MACROD2: variants seen among roughly 807,000 people sequenced by gnomAD.
MACROD2 encodes the protein ADP-ribose glycohydrolase MACROD2.
MACROD2 carries 36 observed loss-of-function variants against 70.4 expected under a neutral mutation model. The ratio of observed to expected loss-of-function variants is 0.51; its 90% CI spans 0.39 to 0.68. MACROD2 has a LOEUF of 0.68. MACROD2 is among the 30% of genes least tolerant of loss of function. The probability of loss-of-function intolerance (pLI) is 0.00; values close to 1 mark genes in which losing one functional copy is unlikely to be tolerated. For missense variants in MACROD2, 496 were observed against 538.4 expected, an observed-to-expected ratio of 0.92 and a Z score of 0.78; for synonymous variants, 172 against 178.8, an observed-to-expected ratio of 0.96 and a Z score of 0.30.
At chr20:15,306,059 C>T (rs2077694938) in intron 6 of MACROD2, among the ~76,000 whole-genome samples, 1 of 152,166 alleles carries the variant, frequency 6.6e-6, no homozygotes, top group African/African-American at 2.4e-5. Context: ...AAGTATTTAG[C>T]TAGTTTCCTG....
chr20:14,410,963 T>C (rs912997196), intron 3 of MACROD2, among the ~76,000 whole-genome samples: 1 of 152,130 alleles, frequency 6.6e-6, no homozygotes, highest in Non-Finnish European at 1.5e-5. Flanking sequence ...ACAGTGGGAC[T>C]GTCTCCAGTC....
Position 15,454,830 on chromosome 20 carries a change from G to A in MACROD2, c.571+23395G>A, listed in dbSNP as rs959663327. On this transcript the variant is annotated intron_variant, in intron 7 of 17. Coordinates refer to ENST00000684519, the MANE Select transcript of MACROD2 (RefSeq NM_001351661.2). ...GCGAAAGTGGGCTTTTAACCATTTC[G>A]CATACTTTGAACTGTGGAGCTGACC... is the stretch of plus-strand genomic sequence containing the variant. Among the ~76,000 whole-genome samples, 9 of 58,588 alleles carry A rather than the reference G, an allele frequency of 1.5e-4. 2 individuals are homozygous for A. The highest frequency in any genetic ancestry group is 6.7e-4 in the Admixed American group (3 of 4,486). The allele number at this position is 58,588 out of a possible 152,430, so 38.4% of individuals were successfully genotyped here. A position where few individuals can be genotyped will look rare whatever the true frequency, so the allele number is the denominator to read the frequency against.
At chr20:15,196,473 T>A (rs1323896501) in intron 5 of MACROD2, among the ~76,000 whole-genome samples, 1 of 152,136 alleles carries the variant, frequency 6.6e-6, no homozygotes, top group Non-Finnish European at 1.5e-5. Flanking sequence ...AGATACAAAA[T>A]TGGTGAATGT....
chr20:15,329,520 T>G (rs1182347108), intron 6 of MACROD2, among the ~76,000 whole-genome samples: 7 of 152,012 alleles, frequency 4.6e-5, no homozygotes, highest in Admixed American at 4.6e-4. Flanking sequence ...AGAGGACTGT[T>G]TGAACCCAGG....
intron 8 of MACROD2, among the ~76,000 whole-genome samples, chr20:15,625,695 CAA>C (rs1408280905): frequency 6.6e-6 from 1 of 152,040 alleles, no homozygotes; most frequent in Non-Finnish European, 1.5e-5. Flanking sequence ...TGAACTCCAA[CAA>C]AGACTTTAAC....
intron 10 of MACROD2, among the ~76,000 whole-genome samples, chr20:15,926,406 T>C (rs981313930): frequency 2.0e-5 from 3 of 152,198 alleles, no homozygotes; most frequent in Non-Finnish European, 2.9e-5. Flanking sequence ...AAACATTGTT[T>C]CACAAAGCAG....
intron 4 of MACROD2, among the ~76,000 whole-genome samples, chr20:14,683,271 CAT>C (rs1005714374): frequency 6.6e-6 from 1 of 152,152 alleles, no homozygotes; most frequent in Non-Finnish European, 1.5e-5. Flanking sequence ...CAAAGGGACA[CAT>C]AACACTGTAC....
chr20:15,002,582 T>G (rs889096993), intron 5 of MACROD2, among the ~76,000 whole-genome samples: 22 of 152,152 alleles, frequency 1.4e-4, no homozygotes, highest in Middle Eastern at 3.2e-3. Flanking sequence ...AGCCTGATAT[T>G]AAACACAGGG....
At chr20:15,671,206 A>G (rs1011341253) in intron 8 of MACROD2, among the ~76,000 whole-genome samples, 3 of 152,156 alleles carry the variant, frequency 2.0e-5, no homozygotes, top group Non-Finnish European at 4.4e-5. Flanking sequence ...TCTCTCCAGC[A>G]GTGCTCAGAC....
intron 6 of MACROD2, among the ~76,000 whole-genome samples, chr20:15,288,221 C>A (rs2077509235): frequency 6.6e-6 from 1 of 152,164 alleles, no homozygotes; most frequent in African/African-American, 2.4e-5. Flanking sequence ...CTCTCAAGAA[C>A]AAATCGCCCC....
intron 3 of MACROD2, among the ~76,000 whole-genome samples, chr20:14,286,849 C>G (rs186612367): frequency 2.6e-5 from 4 of 152,252 alleles, no homozygotes; most frequent in Middle Eastern, 3.4e-3. Flanking sequence ...GGATATTAAG[C>G]AGATGCTCAG....
At chr20:15,060,308 CA>C (rs990225611) in intron 5 of MACROD2, among the ~76,000 whole-genome samples, 33 of 152,260 alleles carry the variant, frequency 2.2e-4, no homozygotes, top group African/African-American at 7.2e-4. Context: ...TGTCACAGTT[CA>C]ATGTGGTGAC....
Position 14,326,044 on chromosome 20 carries a change from T to C in MACROD2, c.272-167435T>C. On this transcript the variant is annotated intron_variant, in intron 3 of 17. Transcript: ENST00000684519. The surrounding 1 kb of genome is among the most constrained non-coding windows in gnomAD (Gnocchi z 5.5). ...ACAAACAGGAGTTTCATCAAATAGGTAGAGGTTGCTGGTTTCCATGGGAAC... is the reference window on the plus strand; with the variant it reads ...ACAAACAGGAGTTTCATCAAATAGGCAGAGGTTGCTGGTTTCCATGGGAAC... 6.2e-7 allele frequency: 1 copy of C among 1,613,864 alleles called. No homozygotes were observed. The highest frequency in any genetic ancestry group is 8.5e-7 in the Non-Finnish European group (1 of 1,179,868).
chr20:14,889,578 C>A (rs144738852), intron 5 of MACROD2, among the ~76,000 whole-genome samples: 1 of 151,988 alleles, frequency 6.6e-6, no homozygotes, highest in Non-Finnish European at 1.5e-5. Context: ...AGATCCTATC[C>A]GGCATAGGAA....
chr20:16,009,149 A>C (rs1029152299), intron 15 of MACROD2, among the ~76,000 whole-genome samples: 54 of 152,182 alleles, frequency 3.5e-4, no homozygotes, highest in African/African-American at 1.3e-3. Flanking sequence ...AATCTGGCAA[A>C]AATGAACCTG....
At chr20:15,060,657 G>T (rs1432802511) in intron 5 of MACROD2, among the ~76,000 whole-genome samples, 1 of 152,068 alleles carries the variant, frequency 6.6e-6, no homozygotes, top group African/African-American at 2.4e-5. Flanking sequence ...TTCTCCCATG[G>T]CTTCATGTGC....
chr20:14,826,037 G>C (rs576355058), intron 5 of MACROD2, among the ~76,000 whole-genome samples: 1 of 152,222 alleles, frequency 6.6e-6, no homozygotes, highest in African/African-American at 2.4e-5. Context: ...TATCAATACA[G>C]ATGTGGAACT....
At chr20:14,776,837 C>T (rs77609952) in intron 5 of MACROD2, among the ~76,000 whole-genome samples, 11,180 of 152,016 alleles carry the variant, frequency 0.074, 500 homozygotes, top group Middle Eastern at 0.21. Context: ...ACTATCCTCC[C>T]GCAATGAAGT....
At chr20:15,188,351 A>G (rs1347923749) in intron 5 of MACROD2, among the ~76,000 whole-genome samples, 2 of 152,178 alleles carry the variant, frequency 1.3e-5, no homozygotes, top group African/African-American at 4.8e-5. Flanking sequence ...TAACAATAAA[A>G]TATCCATAAT....
Sources: allele counts gnomAD v4.1 joint callset (sites outside exome capture counted in the v4.1 genomes callset), GRCh38; gene constraint gnomAD v4.1.1; non-coding constraint Gnocchi (gnomAD v3.1); transcripts MANE v1.5; gene names NCBI Gene and HGNC (gene_info 2026-07-23, HGNC 2026-07-21).